The following PEAK1 variants were observed in gnomAD, a reference collection of about 807,000 sequenced individuals.
PEAK1 encodes the protein inactive tyrosine-protein kinase PEAK1.
PEAK1 carries 54 observed loss-of-function variants against 124.7 expected under a neutral mutation model. That is an observed-to-expected ratio of 0.43 (90% CI 0.35 to 0.54). The LOEUF (loss-of-function observed/expected upper bound fraction) is 0.54. Ranked by LOEUF, PEAK1 falls within the 20% of genes least tolerant of loss-of-function variation. The pLI is 0.01. For synonymous variants in PEAK1, 719 were observed against 760.0 expected (o/e 0.95, Z 0.89); for missense variants, 2,046 against 2,134.5 (o/e 0.96, Z 0.82).
At chr15:77,415,906 C>G (rs560980980) in intron 1 of PEAK1, among the ~76,000 whole-genome samples, 8 of 152,194 alleles carry the variant, frequency 5.3e-5, no homozygotes, top group African/African-American at 1.9e-4. Context: ...TTAAGAATGT[C>G]CAAGATTCTC....
At chr15:77,334,875 C>A in intron 2 of PEAK1, 1 of 985,400 alleles carries the variant, frequency 1.0e-6, no homozygotes, top group South Asian at 4.7e-5. Flanking sequence ...CCTTCAGAAT[C>A]CTGTCAGATT....
At chr15:77,103,505 G>C (rs1002402895), downstream of PEAK1, 2 of 152,174 alleles carry the variant, frequency 1.3e-5, no homozygotes, top group East Asian at 1.9e-4. Context: ...TTTTGTAAGA[G>C]AGTGGAACCC....
chr15:77,177,191 G>A (rs2056938087), intron 7 of PEAK1, among the ~76,000 whole-genome samples: 1 of 152,020 alleles, frequency 6.6e-6, no homozygotes, highest in South Asian at 2.1e-4. Context: ...CCTGATCTCA[G>A]GTGATCTGCC....
At chr15:77,115,927 G>C (rs2051328925) in intron 9 of PEAK1, among the ~76,000 whole-genome samples, 1 of 152,130 alleles carries the variant, frequency 6.6e-6, no homozygotes, top group African/African-American at 2.4e-5. Flanking sequence ...TTCACTGGTA[G>C]GGTTGAGAGA....
chr15:77,338,754 T>G (rs1299970563), intron 2 of PEAK1, among the ~76,000 whole-genome samples: 1 of 151,678 alleles, frequency 6.6e-6, no homozygotes, highest in Non-Finnish European at 1.5e-5. Flanking sequence ...ATTGAAAAAC[T>G]TAACCTTCAG....
chr15:77,187,531 T>C (rs954739020), intron 6 of PEAK1, among the ~76,000 whole-genome samples: 15 of 152,212 alleles, frequency 9.9e-5, no homozygotes, highest in Non-Finnish European at 2.9e-5. Flanking sequence ...CTGGATTCAA[T>C]TTCCATTAGT....
intron 6 of PEAK1, among the ~76,000 whole-genome samples, chr15:77,225,666 T>TTATTTA (rs1555448934): frequency 1.1e-5 from 1 of 87,994 alleles, no homozygotes; most frequent in Non-Finnish European, 2.3e-5. Flanking sequence ...TGTGTATAAT[T>TTATTTA]TATATATATA....
chr15:77,140,454 G>A (rs994519624), intron 8 of PEAK1, among the ~76,000 whole-genome samples: 8 of 152,088 alleles, frequency 5.3e-5, no homozygotes, highest in African/African-American at 1.9e-4. Flanking sequence ...ATCAATCAAT[G>A]TAATATACCA....
chr15:77,178,763 C>T (rs11856513), intron 7 of PEAK1, 27 bp downstream of exon 7: 1 of 1,580,520 alleles, frequency 6.3e-7, no homozygotes, highest in Non-Finnish European at 8.6e-7. Context: ...AAAAAATTCC[C>T]ATATTCTTCC....
chr15:77,342,661 G>C (rs2066617926), intron 2 of PEAK1, among the ~76,000 whole-genome samples: 1 of 152,076 alleles, frequency 6.6e-6, no homozygotes, highest in African/African-American at 2.4e-5. Context: ...CTCCCGCCTT[G>C]TCCTTCCAAA....
chr15:77,218,558 GT>G (rs1183887034), intron 6 of PEAK1, among the ~76,000 whole-genome samples: 2 of 151,418 alleles, frequency 1.3e-5, no homozygotes, highest in Admixed American at 1.3e-4. Context: ...AGGAACGTTG[GT>G]CTTTAATTCT....
In PEAK1 at chr15:77,245,363, GA is replaced by G. The variant is rs74481027; in HGVS notation, c.-115+7003del. 3.8e-3 allele frequency among the ~76,000 whole-genome samples: 511 copies of G among 134,228 alleles called. 2 individuals are homozygous for G. Among genetic ancestry groups the G allele is most frequent in the Non-Finnish European group, 4.7e-3 (291 of 61,460 alleles). The allele number at this position is 134,228 out of a possible 152,430, so 88.1% of individuals were successfully genotyped here. A position where few individuals can be genotyped will look rare whatever the true frequency, so the allele number is the denominator to read the frequency against. On this transcript the variant is annotated intron_variant, in intron 6 of 9. Coordinates refer to ENST00000682557, the MANE Select transcript of PEAK1 (RefSeq NM_001385026.1). ...GAGCAAGACTCTGTCTCAAATAATT[GA>G]AAAAAAAAAAAGGATGTCTAACTCT...
intron 2 of PEAK1, among the ~76,000 whole-genome samples, chr15:77,354,379 C>T (rs987041664): frequency 2.0e-5 from 3 of 152,206 alleles, no homozygotes; most frequent in Non-Finnish European, 4.4e-5. Context: ...CTGGCATCTG[C>T]CCCTCTTCAA....
chr15:77,179,316 G>A lies in PEAK1; in HGVS notation c.2611C>T (p.Pro871Ser). The part of the protein sequence containing the change: ...SPQSEPPAPF[P>S]PPRSTSSPYH... Reference sequence around the variant, plus strand: ...GGAGAAGAAGTAGAGCGTGGCGGGGGAAAGGGAGCTGGTGGCTCACTTTGG... The same window carrying A: ...GGAGAAGAAGTAGAGCGTGGCGGGGAAAAGGGAGCTGGTGGCTCACTTTGG... The change falls in exon 7 of 10, where the codon CCC (proline) becomes TCC (serine). Residue 871 changes from proline to serine, a missense_variant. Pro to Ser is a moderately conservative substitution (Grantham distance 74, BLOSUM62 -1). Coordinates refer to ENST00000682557, the MANE Select transcript of PEAK1 (RefSeq NM_001385026.1). 2 of 1,614,098 alleles carry A rather than the reference G, an allele frequency of 1.2e-6. No homozygotes were observed. The highest frequency in any genetic ancestry group is 1.7e-6 in the Non-Finnish European group (2 of 1,180,020).
At chr15:77,266,448 T>C (rs1268584531) in intron 5 of PEAK1, among the ~76,000 whole-genome samples, 1 of 152,022 alleles carries the variant, frequency 6.6e-6, no homozygotes, top group Non-Finnish European at 1.5e-5. Flanking sequence ...CTGAACTTAC[T>C]CCTCTACCTG....
chr15:77,396,877 T>C (rs2070933297), intron 1 of PEAK1, among the ~76,000 whole-genome samples: 2 of 152,178 alleles, frequency 1.3e-5, no homozygotes, highest in Non-Finnish European at 2.9e-5. Flanking sequence ...AGTTGGAAAC[T>C]TCAGCATCCC....
chr15:77,188,197 A>T (rs2057646224), intron 6 of PEAK1, among the ~76,000 whole-genome samples: 1 of 152,232 alleles, frequency 6.6e-6, no homozygotes, highest in Non-Finnish European at 1.5e-5. Context: ...TCTCCTATCT[A>T]AAGAAGAAAC....
At chr15:77,315,485 A>C (rs1285303508) in intron 2 of PEAK1, among the ~76,000 whole-genome samples, 1 of 152,188 alleles carries the variant, frequency 6.6e-6, no homozygotes, top group African/African-American at 2.4e-5. Context: ...TGGAATATTT[A>C]AGTATTTGCA....
chr15:77,154,101 T>C (rs993610350), intron 8 of PEAK1, among the ~76,000 whole-genome samples: 1 of 152,138 alleles, frequency 6.6e-6, no homozygotes, highest in Non-Finnish European at 1.5e-5. Context: ...AGTCTCCCAT[T>C]ATTATTGTGT....
Sources: gnomAD v4.1 joint callset for allele counts (sites outside exome capture counted in the v4.1 genomes callset) on GRCh38, gnomAD v4.1.1 for gene constraint, MANE v1.5 for transcripts, NCBI Gene and HGNC (gene_info 2026-07-23, HGNC 2026-07-21) for gene names.